NKAIN2: variants seen among roughly 807,000 people sequenced by gnomAD.
NKAIN2 encodes the protein sodium/potassium transporting ATPase interacting 2.
NKAIN2 carries 14 observed loss-of-function variants against 32.6 expected under a neutral mutation model. The ratio of observed to expected loss-of-function variants is 0.43; its 90% CI spans 0.28 to 0.67. The LOEUF is 0.67. Among genes scored for constraint, NKAIN2 ranks in the 30% least tolerant of loss-of-function variants. The pLI is 0.17. For missense variants in NKAIN2, 198 were observed against 258.3 expected, an observed-to-expected ratio of 0.77 and a Z score of 1.60; for synonymous variants, 80 against 87.2, an observed-to-expected ratio of 0.92 and a Z score of 0.46.
At chr6:124,494,135 A>G (rs1350061823) in intron 3 of NKAIN2, among the ~76,000 whole-genome samples, 3 of 152,118 alleles carry the variant, frequency 2.0e-5, no homozygotes, top group African/African-American at 7.2e-5. Flanking sequence ...TTGTAATGCA[A>G]AATGAATCGT....
rs1223435547 is a variant in NKAIN2, at chr6:124,189,362, AT to A, written c.55-93641del. On this transcript the variant is annotated intron_variant, in intron 1 of 6. Transcript: ENST00000368417. ...ACTAAGATTCTATTAGATCTTTAGT[AT>A]TACAAAAACAACTGCTAACTGTGTG... 5.3e-5 allele frequency among the ~76,000 whole-genome samples: 8 copies of A among 152,286 alleles called. No individual in the cohort carries two copies. In the South Asian group the frequency reaches 1.7e-3, roughly 32 times the overall value.
rs1451981313 is a variant in NKAIN2 at position 124,100,739 on chromosome 6, A to T, written c.55-182266A>T. On this transcript the variant is annotated intron_variant, in intron 1 of 6. Transcript: ENST00000368417. ...TGTTACGAGAAACTATCAAACTCGGATGCAGGCTTCTAATAGATGTGGGGC... is the reference window on the plus strand; with the variant it reads ...TGTTACGAGAAACTATCAAACTCGGTTGCAGGCTTCTAATAGATGTGGGGC... Among the ~76,000 whole-genome samples, 3 of 152,328 alleles carry T rather than the reference A, an allele frequency of 2.0e-5. No homozygotes were observed. The East Asian group carries it at 5.8e-4, about 29-fold the overall frequency.
chr6:124,307,313 G>A (rs1239112440), intron 2 of NKAIN2, among the ~76,000 whole-genome samples: 1 of 152,088 alleles, frequency 6.6e-6, no homozygotes, highest in Non-Finnish European at 1.5e-5. Flanking sequence ...AAAATTTCTT[G>A]AACAACATGG....
At chr6:124,823,015 A>G (rs1383831751) in intron 6 of NKAIN2, among the ~76,000 whole-genome samples, 1 of 152,210 alleles carries the variant, frequency 6.6e-6, no homozygotes, top group Non-Finnish European at 1.5e-5. Context: ...AATAGATTCT[A>G]AATGACCAAA....
At chr6:124,676,737 T>A (rs1196232471) in intron 4 of NKAIN2, among the ~76,000 whole-genome samples, 1 of 152,156 alleles carries the variant, frequency 6.6e-6, no homozygotes, top group African/African-American at 2.4e-5. Flanking sequence ...GTACTGGGAT[T>A]ATAGGCATGA....
intron 3 of NKAIN2, among the ~76,000 whole-genome samples, chr6:124,629,095 T>C (rs1386945905): frequency 6.6e-6 from 1 of 152,124 alleles, no homozygotes; most frequent in African/African-American, 2.4e-5. Context: ...AGGAGGTATA[T>C]TTCTCCCATC....
At chr6:124,412,314 C>G (rs528355454) in intron 3 of NKAIN2, among the ~76,000 whole-genome samples, 1 of 152,208 alleles carries the variant, frequency 6.6e-6, no homozygotes, top group Non-Finnish European at 1.5e-5. Context: ...GTTTTATCTA[C>G]TTTTGGTCTT....
At chr6:123,910,499 GTTTTTTTTTTT>G (rs35165515) in intron 1 of NKAIN2, among the ~76,000 whole-genome samples, 3 of 81,320 alleles carry the variant, frequency 3.7e-5, no homozygotes, top group East Asian at 3.7e-4. Context: ...TGCAATGCAT[GTTTTTTTTTTT>G]TTTTTTTTTT....
At position 124,359,846 on chromosome 6, in the gene NKAIN2, G is replaced by A. The variant is rs1029834945; in HGVS notation, c.273+4499G>A. Among the ~76,000 whole-genome samples the A allele has an allele frequency of 2.8e-4, 43 of 152,252 alleles. 1 individual carries two copies. The highest frequency in any genetic ancestry group is 1.0e-3 in the African/African-American group (42 of 41,550). ...TGGTGAGAGAGGGCATCCCTGTCTT[G>A]TGCCAGTTTTCAAAGGGAATGCTTC... On this transcript the variant is annotated intron_variant, in intron 3 of 6. Coordinates refer to ENST00000368417, the MANE Select transcript of NKAIN2 (RefSeq NM_001040214.3).
intron 1 of NKAIN2, among the ~76,000 whole-genome samples, chr6:124,202,237 T>C (rs1021779868): frequency 6.6e-6 from 1 of 152,006 alleles, no homozygotes; most frequent in Non-Finnish European, 1.5e-5. Context: ...GTTGCACCTG[T>C]AAATATATTA....
At chr6:124,667,110 A>G (rs1324138610) in intron 4 of NKAIN2, among the ~76,000 whole-genome samples, 1 of 152,170 alleles carries the variant, frequency 6.6e-6, no homozygotes, top group Non-Finnish European at 1.5e-5. Flanking sequence ...GTTCACCACT[A>G]TCCTACACAG....
chr6:124,805,975 A>T (rs1327174659), intron 5 of NKAIN2, among the ~76,000 whole-genome samples: 3 of 152,230 alleles, frequency 2.0e-5, no homozygotes, highest in Non-Finnish European at 2.9e-5. Context: ...GCCTCCAAGA[A>T]ATATGGGACT....
chr6:124,522,959 C>G (rs866451450), intron 3 of NKAIN2, among the ~76,000 whole-genome samples: 10 of 149,894 alleles, frequency 6.7e-5, no homozygotes, highest in Non-Finnish European at 1.5e-4. Flanking sequence ...CCGGCTAAAA[C>G]GGTGAAACCC....
chr6:123,901,829 A>G (rs1011663208), intron 1 of NKAIN2, among the ~76,000 whole-genome samples: 2 of 152,118 alleles, frequency 1.3e-5, no homozygotes, highest in Admixed American at 1.3e-4. Flanking sequence ...GAAATTTCAG[A>G]GAATTGAGAA....
intron 3 of NKAIN2, among the ~76,000 whole-genome samples, chr6:124,446,799 A>T (rs1222935437): frequency 6.6e-6 from 1 of 152,114 alleles, no homozygotes. Flanking sequence ...TTGTTTATCT[A>T]ACTTACACCA....
intron 3 of NKAIN2, among the ~76,000 whole-genome samples, chr6:124,642,264 A>G (rs1784021185): frequency 6.6e-6 from 1 of 152,172 alleles, no homozygotes; most frequent in Non-Finnish European, 1.5e-5. Flanking sequence ...TCAAAACCAT[A>G]CTTTCTCAGC....
chr6:123,942,676 A>C (rs1370969236), intron 1 of NKAIN2, among the ~76,000 whole-genome samples: 1 of 151,994 alleles, frequency 6.6e-6, no homozygotes, highest in African/African-American at 2.4e-5. Context: ...AGGACATCTC[A>C]GGGTCTTGAA....
At chr6:124,082,359 A>G (rs1185001111) in intron 1 of NKAIN2, among the ~76,000 whole-genome samples, 1 of 152,126 alleles carries the variant, frequency 6.6e-6, no homozygotes, top group East Asian at 1.9e-4. Flanking sequence ...GCTTAATATT[A>G]ATGCAATTTT....
intron 1 of NKAIN2, among the ~76,000 whole-genome samples, chr6:123,911,069 G>A (rs942755393): frequency 6.6e-6 from 1 of 152,010 alleles, no homozygotes; most frequent in Non-Finnish European, 1.5e-5. Flanking sequence ...TACCTAGGTT[G>A]CTATATTCTC....
Sources: allele counts gnomAD v4.1 joint callset (sites outside exome capture counted in the v4.1 genomes callset), GRCh38; gene constraint gnomAD v4.1.1; transcripts MANE v1.5; gene names NCBI Gene and HGNC (gene_info 2026-07-23, HGNC 2026-07-21).